Variants in CDH13 observed in about 807,000 individuals in gnomAD.
The protein encoded by CDH13 is cadherin 13, also known as cadherin-13.
In CDH13, 24 loss-of-function variants were observed where a neutral mutation model predicts 63.8. That is an observed-to-expected ratio of 0.38 (90% confidence interval 0.27 to 0.53). The LOEUF is 0.53. Ranked by LOEUF, CDH13 falls within the 20% of genes least tolerant of loss-of-function variation. The pLI is 0.85. For synonymous variants in CDH13, 503 were observed against 355.3 expected (o/e 1.42, Z -4.67); for missense variants, 1,049 against 903.1 (o/e 1.16, Z -2.07).
At chr16:83,103,841 A>G (rs2034634319) in intron 3 of CDH13, among the ~76,000 whole-genome samples, 1 of 152,236 alleles carries the variant, frequency 6.6e-6, no homozygotes, top group South Asian at 2.1e-4. Flanking sequence ...GTCATTTTCT[A>G]GAACACATTG....
chr16:83,616,145 C>G (rs151269564), intron 8 of CDH13, among the ~76,000 whole-genome samples: 117 of 152,294 alleles, frequency 7.7e-4, no homozygotes, highest in Middle Eastern at 3.4e-3. Context: ...TATGTGCATT[C>G]CTGGATTTAA....
At chr16:83,540,382 A>G (rs2075277189) in intron 7 of CDH13, among the ~76,000 whole-genome samples, 1 of 152,190 alleles carries the variant, frequency 6.6e-6, no homozygotes, top group Non-Finnish European at 1.5e-5. Context: ...GTGATTAGGT[A>G]CATCTGAAGC....
intron 3 of CDH13, among the ~76,000 whole-genome samples, chr16:83,102,575 T>A (rs112719651): frequency 0.041 from 6,306 of 152,150 alleles, 421 homozygotes; most frequent in African/African-American, 0.14. Context: ...TGCTAGGAGA[T>A]CGCACTGGAA....
intron 6 of CDH13, among the ~76,000 whole-genome samples, chr16:83,379,938 T>TATATATATATATAGAGAGAG: frequency 3.3e-3 from 407 of 123,422 alleles, no homozygotes; most frequent in Middle Eastern, 8.3e-3. Flanking sequence ...TATATATATA[T>TATATATATATATAGAGAGAG]AGAGAGAGAG....
At chr16:83,441,431 A>C (rs2072477094) in intron 6 of CDH13, among the ~76,000 whole-genome samples, 1 of 152,254 alleles carries the variant, frequency 6.6e-6, no homozygotes, top group South Asian at 2.1e-4. Flanking sequence ...TTCCTACCAA[A>C]TATTAACAGT....
chr16:82,632,897 A>C (rs937672095), intron 1 of CDH13, among the ~76,000 whole-genome samples: 1 of 152,012 alleles, frequency 6.6e-6, no homozygotes, highest in Non-Finnish European at 1.5e-5. Context: ...CTGACAGATC[A>C]TCAGGCATTA....
In CDH13 at chr16:83,602,478, C is replaced by G. The variant is rs539890112; in HGVS notation, c.985C>G (p.Leu329Val). Residue 329 changes from leucine to valine, a missense_variant, in exon 8 of 14, where the codon CTG becomes GTG. Transcript: ENST00000567109. ...RETLENPKYE[L>V]IIEAQDMAGL... ...GACTCTGGAAAATCCCAAGTATGAA[C>G]TGATCATCGAGGCTCAAGATATGGC... The G allele has an allele frequency of 1.9e-6, 3 of 1,613,970 alleles. No homozygotes were observed. Among genetic ancestry groups the G allele is most frequent in the South Asian group, 2.2e-5 (2 of 91,086 alleles).
At chr16:82,730,264 A>G (rs1192151716) in intron 1 of CDH13, among the ~76,000 whole-genome samples, 1 of 152,196 alleles carries the variant, frequency 6.6e-6, no homozygotes, top group Non-Finnish European at 1.5e-5. Context: ...TTTCCTCACT[A>G]AGAAGCTTAA....
At chr16:83,506,487 G>A (rs185927640) in intron 7 of CDH13, among the ~76,000 whole-genome samples, 44 of 152,208 alleles carry the variant, frequency 2.9e-4, no homozygotes, top group African/African-American at 8.4e-4. Flanking sequence ...GTACCACTAC[G>A]TTCCTAACTC....
At chr16:83,784,396 T>C (rs903346807) in intron 13 of CDH13, among the ~76,000 whole-genome samples, 2 of 151,674 alleles carry the variant, frequency 1.3e-5, no homozygotes, top group African/African-American at 4.8e-5. Context: ...CTTTGGGAGG[T>C]CGAGGTGGGT....
At chr16:83,368,885 TA>T (rs1485115160) in intron 6 of CDH13, among the ~76,000 whole-genome samples, 20,004 of 33,058 alleles carry the variant, frequency 0.61, 5,441 homozygotes, top group East Asian at 0.81. Context: ...TATTCCATGT[TA>T]TATATATATA....
chr16:83,202,268 C>A (rs148987237), intron 4 of CDH13, among the ~76,000 whole-genome samples: 2 of 152,126 alleles, frequency 1.3e-5, no homozygotes, highest in South Asian at 2.1e-4. Context: ...CCAAGCATGG[C>A]GCTTTTGGGG....
At chr16:83,619,588 G>A (rs747226444) in intron 8 of CDH13, among the ~76,000 whole-genome samples, 28 of 152,202 alleles carry the variant, frequency 1.8e-4, no homozygotes, top group African/African-American at 4.6e-4. Context: ...TCTGGTGGCC[G>A]CCGGCAACCT....
At chr16:82,761,035 T>C (rs1180162217) in intron 1 of CDH13, among the ~76,000 whole-genome samples, 4 of 121,908 alleles carry the variant, frequency 3.3e-5, no homozygotes, top group African/African-American at 9.2e-5. Context: ...TTTTTTTTTT[T>C]TTTTTTTTTT....
chr16:83,103,453 C>A (rs1275665442), intron 3 of CDH13, among the ~76,000 whole-genome samples: 7 of 151,844 alleles, frequency 4.6e-5, no homozygotes, highest in African/African-American at 1.7e-4. Flanking sequence ...ACCATGTTGG[C>A]CAGGCTGGTG....
At chr16:83,418,238 G>T (rs2071611989) in intron 6 of CDH13, among the ~76,000 whole-genome samples, 1 of 152,136 alleles carries the variant, frequency 6.6e-6, no homozygotes, top group Admixed American at 6.5e-5. Context: ...GTGATTATTT[G>T]GAGGATTAAA....
At chr16:83,395,682 C>T (rs1197841706) in intron 6 of CDH13, among the ~76,000 whole-genome samples, 1 of 152,172 alleles carries the variant, frequency 6.6e-6, no homozygotes, top group African/African-American at 2.4e-5. Context: ...CTACAGCCAG[C>T]CGGTGGTCAC....
intron 10 of CDH13, among the ~76,000 whole-genome samples, chr16:83,730,416 G>A (rs1246391020): frequency 6.6e-6 from 1 of 152,168 alleles, no homozygotes; most frequent in Non-Finnish European, 1.5e-5. Context: ...CTGGGTCAAA[G>A]AATATGTACA....
At chr16:83,024,092 A>C (rs911000011) in intron 2 of CDH13, among the ~76,000 whole-genome samples, 4 of 152,078 alleles carry the variant, frequency 2.6e-5, no homozygotes, top group African/African-American at 9.7e-5. Flanking sequence ...TATATACCTG[A>C]GTAGAGTGGA....
Sources: gnomAD v4.1 joint callset for allele counts (sites outside exome capture counted in the v4.1 genomes callset) on GRCh38, gnomAD v4.1.1 for gene constraint, MANE v1.5 for transcripts, NCBI Gene and HGNC (gene_info 2026-07-23, HGNC 2026-07-21) for gene names.